The following SCAI variants were observed in gnomAD, a reference collection of about 807,000 sequenced individuals.
SCAI encodes protein SCAI.
Under a neutral mutation model 92.2 loss-of-function variants are expected in SCAI, and 24 were observed. The observed-to-expected ratio is 0.26, with a 90% CI of 0.19 to 0.37. SCAI has a LOEUF of 0.37. Ranked by LOEUF, SCAI falls within the 10% of genes least tolerant of loss-of-function variation. The pLI is 1.00. For missense variants in SCAI, 450 were observed against 736.2 expected, an observed-to-expected ratio of 0.61 and a Z score of 4.50; for synonymous variants, 261 against 258.6, an observed-to-expected ratio of 1.01 and a Z score of -0.09.
rs903057372 is a variant in SCAI, at chr9:124,999,283, A to C, written c.1244+608T>G. On this transcript the variant is annotated intron_variant, in intron 13 of 17. Coordinates refer to ENST00000336505, the MANE Select transcript of SCAI (RefSeq NM_001144877.3). ...GTGCCTGTAATCCCAGCTACGCAGG[A>C]GGCTGAGGCAGGAGAATCGCTTGAA... 4.6e-5 allele frequency among the ~76,000 whole-genome samples: 7 copies of C among 151,942 alleles called. No homozygotes were observed. In the East Asian group the frequency reaches 1.2e-3, roughly 25 times the overall value.
intron 3 of SCAI, among the ~76,000 whole-genome samples, chr9:125,047,495 T>C (rs1046159387): frequency 6.6e-6 from 1 of 152,216 alleles, no homozygotes; most frequent in African/African-American, 2.4e-5. Flanking sequence ...TCCCAGGTGG[T>C]TGGAGACAAA....
intron 3 of SCAI, among the ~76,000 whole-genome samples, chr9:125,031,742 T>A (rs955816744): frequency 1.3e-5 from 2 of 152,234 alleles, no homozygotes; most frequent in Non-Finnish European, 2.9e-5. Context: ...CTGGTTCACA[T>A]TACTGTAAGG....
chr9:124,962,792 TTTTC>T (rs772714155), intron 17 of SCAI, among the ~76,000 whole-genome samples: 21 of 151,458 alleles, frequency 1.4e-4, no homozygotes, highest in East Asian at 1.2e-3. Flanking sequence ...TGTTTTTTCT[TTTTC>T]TTTCTTTTTC....
At chr9:125,099,120 T>A (rs1834625025) in intron 2 of SCAI, among the ~76,000 whole-genome samples, 1 of 152,212 alleles carries the variant, frequency 6.6e-6, no homozygotes, top group Admixed American at 6.5e-5. Context: ...CCTTGAAGTT[T>A]ATTTCTGATA....
chr9:125,126,619 G>A (rs1440144324), intron 2 of SCAI, among the ~76,000 whole-genome samples: 1 of 151,758 alleles, frequency 6.6e-6, no homozygotes, highest in African/African-American at 2.4e-5. Flanking sequence ...CACATGCAAG[G>A]CAGAAACCAG....
intron 17 of SCAI, among the ~76,000 whole-genome samples, chr9:124,957,716 C>A (rs1184698804): frequency 6.7e-6 from 1 of 150,180 alleles, no homozygotes; most frequent in Non-Finnish European, 1.5e-5. Context: ...GAGTCTCACT[C>A]TGTTGCCCAG....
intron 2 of SCAI, among the ~76,000 whole-genome samples, chr9:125,116,109 T>C (rs990731292): frequency 1.3e-5 from 2 of 152,006 alleles, no homozygotes; most frequent in African/African-American, 4.8e-5. Flanking sequence ...CGCTTGAACC[T>C]GGGAGGCGGA....
chr9:124,956,142 A>C (rs2131572669), intron 17 of SCAI, among the ~76,000 whole-genome samples: 1 of 152,348 alleles, frequency 6.6e-6, no homozygotes, highest in East Asian at 1.9e-4. Context: ...AAATATTAGC[A>C]AATTCAACCC....
chr9:125,140,902 TCTCA>T lies in SCAI; in HGVS notation c.98+1727_98+1730del, dbSNP rs1271525114. Among the ~76,000 whole-genome samples, 3 of 152,026 alleles carry T rather than the reference TCTCA, an allele frequency of 2.0e-5. No individual in the cohort carries two copies. The East Asian group carries it at 5.8e-4, about 29-fold the overall frequency. On this transcript the variant is annotated intron_variant, in intron 2 of 17. Coordinates refer to ENST00000336505, the MANE Select transcript of SCAI (RefSeq NM_001144877.3). Reference sequence around the variant, plus strand: ...TTACTCCAATATACCTAAAATATTGTCTCACTATGTCATCAATATAAAAAGTTAC... The same window carrying T: ...TTACTCCAATATACCTAAAATATTGTCTATGTCATCAATATAAAAAGTTAC...
chr9:125,125,408 A>ATCC (rs1336404307), intron 2 of SCAI, among the ~76,000 whole-genome samples: 4 of 151,668 alleles, frequency 2.6e-5, no homozygotes, highest in Non-Finnish European at 5.9e-5. Context: ...CATGCCTGTA[A>ATCC]TCCTAGCTAC....
chr9:125,044,145 C>T (rs964137443), intron 3 of SCAI, among the ~76,000 whole-genome samples: 1 of 152,048 alleles, frequency 6.6e-6, no homozygotes. Flanking sequence ...TTCACAAGCC[C>T]CCTGCTGCCT....
intron 11 of SCAI, among the ~76,000 whole-genome samples, chr9:125,002,488 G>GTTTTTTTTTTTTTTTTTTTTTTTTTTT (rs58586769): frequency 1.6e-5 from 2 of 125,106 alleles, no homozygotes; most frequent in Non-Finnish European, 3.2e-5. Flanking sequence ...TTTTTAGTCT[G>GTTTTTTTTTTTTTTTTTTTTTTTTTTT]TTTTTTTTTT....
At chr9:125,006,243 T>G (rs1832504659) in intron 9 of SCAI, among the ~76,000 whole-genome samples, 1 of 152,086 alleles carries the variant, frequency 6.6e-6, no homozygotes, top group South Asian at 2.1e-4. Flanking sequence ...AGTCTAGGTG[T>G]GGCAGCTCAC....
intron 2 of SCAI, among the ~76,000 whole-genome samples, chr9:125,060,057 A>C (rs1165082452): frequency 6.6e-6 from 1 of 152,180 alleles, no homozygotes; most frequent in Non-Finnish European, 1.5e-5. Flanking sequence ...GGGCTTCTTC[A>C]GTTACTTCAC....
At chr9:125,043,882 G>T (rs549567861) in intron 3 of SCAI, among the ~76,000 whole-genome samples, 1 of 152,142 alleles carries the variant, frequency 6.6e-6, no homozygotes, top group Non-Finnish European at 1.5e-5. Context: ...TGGAAGCCGG[G>T]CCACCTACTG....
At position 124,946,591 on chromosome 9, in the gene SCAI, A is replaced by G. The variant is rs1319104106; in HGVS notation, c.*6216T>C. ...CTCCTACACTCTTTCATGCAAATAA[A>G]TATGTCAACTGAAGTAACCAAACAT... On this transcript the variant is annotated 3_prime_UTR_variant, in exon 18 of 18. Coordinates refer to ENST00000336505, the MANE Select transcript of SCAI (RefSeq NM_001144877.3). The surrounding 1 kb of genome is among the most constrained non-coding windows in gnomAD (Gnocchi z 4.0). 1.3e-5 allele frequency: 2 copies of G among 152,208 alleles called. No individual in the cohort carries two copies. Among genetic ancestry groups the G allele is most frequent in the African/African-American group, 4.8e-5 (2 of 41,458 alleles). The allele number at this position is 152,208 out of a possible 1,614,324, so 9.4% of individuals were successfully genotyped here.
At chr9:125,005,337 C>T (rs761606548) in intron 9 of SCAI, among the ~76,000 whole-genome samples, 20 of 151,868 alleles carry the variant, frequency 1.3e-4, no homozygotes, top group Admixed American at 8.5e-4. Flanking sequence ...ATTTAATATA[C>T]GTGTGTGTGT....
In SCAI at chr9:125,004,752, TATATATATATATATATATATATATA is replaced by T. The variant is rs1832445908; in HGVS notation, c.862-1207_862-1183del. 1.7e-3 allele frequency among the ~76,000 whole-genome samples: 26 copies of T among 15,170 alleles called. 1 individual carries two copies. Among genetic ancestry groups the T allele is most frequent in the Middle Eastern group, 0.025 (1 of 40 alleles). The allele number at this position is 15,170 out of a possible 152,430, so 10.0% of individuals were successfully genotyped here. On this transcript the variant is annotated intron_variant, in intron 9 of 17. Coordinates refer to ENST00000336505, the MANE Select transcript of SCAI (RefSeq NM_001144877.3). ...TGTGATCCATATATATATATATATA[TATATATATATATATATATATATATA>T]TATTTTTTTTTTTTTTTTTTTTTTT...
chr9:124,968,419 C>T, intron 17 of SCAI: 1 of 1,135,500 alleles, frequency 8.8e-7, no homozygotes, highest in Non-Finnish European at 1.3e-6. Context: ...CAGTTTTTCT[C>T]AGTCCAGTCA....
Sources: gnomAD v4.1 joint callset for allele counts (sites outside exome capture counted in the v4.1 genomes callset) on GRCh38, gnomAD v4.1.1 for gene constraint, Gnocchi (gnomAD v3.1) non-coding constraint, MANE v1.5 for transcripts, NCBI Gene and HGNC (gene_info 2026-07-23, HGNC 2026-07-21) for gene names.